Variants in CDH23 observed in about 807,000 individuals in gnomAD.
CDH23 encodes cadherin related 23.
CDH23 carries 189 observed loss-of-function variants against 317.1 expected under a neutral mutation model. The ratio of observed to expected loss-of-function variants is 0.60; its 90% CI spans 0.53 to 0.67. The LOEUF (loss-of-function observed/expected upper bound fraction) is 0.67. Among genes scored for constraint, CDH23 ranks in the 30% least tolerant of loss-of-function variants. CDH23 has a pLI of 0.00. For synonymous variants in CDH23, 1,839 were observed against 1,876.8 expected, an observed-to-expected ratio of 0.98 and a Z score of 0.52; for missense variants, 4,401 against 4,592.4, an observed-to-expected ratio of 0.96 and a Z score of 1.20.
chr10:71,644,015 G>A (rs997857544), intron 12 of CDH23, 149 bp downstream of exon 12: 4 of 639,330 alleles, frequency 6.3e-6, no homozygotes, highest in Non-Finnish European at 1.1e-5. Context: ...AGGTTCAGGG[G>A]AAGGAGAGGA....
At chr10:71,411,704 AT>A (rs1310179131) in intron 1 of CDH23, among the ~76,000 whole-genome samples, 3 of 152,148 alleles carry the variant, frequency 2.0e-5, no homozygotes, top group Non-Finnish European at 4.4e-5. Flanking sequence ...AGCTTTCAAT[AT>A]TTTATCATTA....
At chr10:71,498,129 G>C (rs75407221) in intron 3 of CDH23, among the ~76,000 whole-genome samples, 2,595 of 152,298 alleles carry the variant, frequency 0.017, 58 homozygotes, top group African/African-American at 0.054. Context: ...CAGTGGGGAA[G>C]GAGAAGCTCA....
intron 6 of CDH23, among the ~76,000 whole-genome samples, chr10:71,556,951 T>C (rs889643624): frequency 6.6e-6 from 1 of 152,214 alleles, no homozygotes; most frequent in African/African-American, 2.4e-5. Flanking sequence ...CACTGGAGCA[T>C]GCACCCTACT....
intron 6 of CDH23, among the ~76,000 whole-genome samples, chr10:71,533,525 CCACACACACACACACA>C (rs55659529): frequency 5.4e-4 from 71 of 130,824 alleles, no homozygotes; most frequent in African/African-American, 1.7e-3. Flanking sequence ...TGGCTGGACA[CCACACACACACACACA>C]CACACACACA....
intron 6 of CDH23, among the ~76,000 whole-genome samples, chr10:71,553,647 T>C (rs371855353): frequency 3.3e-5 from 5 of 152,212 alleles, no homozygotes; most frequent in African/African-American, 1.2e-4. Context: ...GGAGCTGTCT[T>C]CTTATTCAGA....
intron 31 of CDH23, among the ~76,000 whole-genome samples, chr10:71,731,607 C>T (rs1167361002): frequency 6.6e-5 from 10 of 152,194 alleles, no homozygotes; most frequent in African/African-American, 2.4e-5. Context: ...GCTTGGCCAT[C>T]TGTGAGGATG....
At chr10:71,415,973 T>C (rs769262799) in intron 1 of CDH23, among the ~76,000 whole-genome samples, 8 of 152,250 alleles carry the variant, frequency 5.3e-5, no homozygotes, top group Non-Finnish European at 7.3e-5. Context: ...TCTGTTATTG[T>C]ATACTGTGTT....
At chr10:71,714,628 T>A (rs988572498) in intron 28 of CDH23, 2 of 152,228 alleles carry the variant, frequency 1.3e-5, no homozygotes. Context: ...GAAAGATTAA[T>A]TGGAGCCAGC....
At chr10:71,532,723 T>TG (rs1259141768) in intron 6 of CDH23, among the ~76,000 whole-genome samples, 44 of 64,508 alleles carry the variant, frequency 6.8e-4, no homozygotes, top group African/African-American at 2.9e-3. Context: ...TTTTTTTTTT[T>TG]TTTGTTTTTT....
At chr10:71,491,931 G>A (rs924095310) in intron 3 of CDH23, among the ~76,000 whole-genome samples, 2 of 152,124 alleles carry the variant, frequency 1.3e-5, no homozygotes, top group Non-Finnish European at 2.9e-5. Flanking sequence ...GCAGGTCCTG[G>A]TGCCAGCAAC....
chr10:71,515,538 T>A (rs1163562788), intron 6 of CDH23, among the ~76,000 whole-genome samples: 2 of 151,980 alleles, frequency 1.3e-5, no homozygotes, highest in East Asian at 3.9e-4. Context: ...TTTTTTTTTT[T>A]AATGAACACA....
At chr10:71,418,834 A>G (rs1848634022) in intron 1 of CDH23, among the ~76,000 whole-genome samples, 1 of 152,202 alleles carries the variant, frequency 6.6e-6, no homozygotes, top group Non-Finnish European at 1.5e-5. Flanking sequence ...TTACTAGCTG[A>G]GTAACCTTGG....
intron 16 of CDH23, 60 bp from the exon 17 acceptor site, chr10:71,679,327 C>A: frequency 2.2e-6 from 2 of 921,168 alleles, no homozygotes; most frequent in Non-Finnish European, 3.5e-6. Context: ...AGCTGCCCAC[C>A]CTCTTCTGGC....
chr10:71,693,277 C>CTT (rs58326810), intron 20 of CDH23, among the ~76,000 whole-genome samples: 55 of 148,320 alleles, frequency 3.7e-4, no homozygotes, highest in Non-Finnish European at 6.4e-4. Context: ...TGGCAAATGC[C>CTT]TTTTTTTTTT....
rs774776024 is a variant in CDH23 at position 71,791,322 on chromosome 10, G to A, written c.6240G>A (p.Glu2080=). 6.2e-7 allele frequency: 1 copy of A among 1,613,552 alleles called. No individual in the cohort carries two copies. Among genetic ancestry groups the A allele is most frequent in the South Asian group, 1.1e-5 (1 of 90,898 alleles). Reference sequence around the variant, plus strand: ...CCACCCTCACTGTCCATCTGCTAGAGAACTGCCCGCCTGGTAAGCAGGGGA... The same window carrying A: ...CCACCCTCACTGTCCATCTGCTAGAAAACTGCCCGCCTGGTAAGCAGGGGA... ...SPATLTVHLL[E]NCPPGFSVLQ... is the part of the protein sequence containing the mutation. Residue 2080 remains glutamate (E), a synonymous_variant, in exon 47 of 70, where the codon GAG becomes GAA. Coordinates refer to ENST00000224721, the MANE Select transcript of CDH23 (RefSeq NM_022124.6).
intron 14 of CDH23, among the ~76,000 whole-genome samples, chr10:71,662,502 A>G (rs1863717789): frequency 6.6e-6 from 1 of 152,146 alleles, no homozygotes; most frequent in South Asian, 2.1e-4. Context: ...GACACTGGGA[A>G]GATGCTGTCA....
intron 46 of CDH23, chr10:71,790,766 A>C: frequency 2.2e-6 from 1 of 461,334 alleles, no homozygotes; most frequent in Non-Finnish European, 4.0e-6. Flanking sequence ...CTCCAACCAG[A>C]CCATGCCACA....
intron 9 of CDH23, among the ~76,000 whole-genome samples, chr10:71,589,860 C>T (rs552867417): frequency 7.2e-5 from 11 of 152,350 alleles, no homozygotes; most frequent in Non-Finnish European, 1.3e-4. Context: ...TGTGTGGGAA[C>T]GGACCTAAAT....
intron 9 of CDH23, among the ~76,000 whole-genome samples, chr10:71,588,887 C>T (rs537152182): frequency 4.1e-4 from 62 of 152,322 alleles, no homozygotes; most frequent in African/African-American, 1.4e-3. Context: ...TCCTGGGCGC[C>T]CATGACCCTG....
Sources: allele counts gnomAD v4.1 joint callset (sites outside exome capture counted in the v4.1 genomes callset), GRCh38; gene constraint gnomAD v4.1.1; transcripts MANE v1.5; gene names NCBI Gene and HGNC (gene_info 2026-07-23, HGNC 2026-07-21).